The following AK5 variants were observed in gnomAD, a reference collection of about 807,000 sequenced individuals.
AK5 encodes the protein adenylate kinase 5.
In AK5, 27 loss-of-function variants were observed where a neutral mutation model predicts 69.5. The observed-to-expected ratio is 0.39, with a 90% confidence interval of 0.29 to 0.54. The LOEUF (loss-of-function observed/expected upper bound fraction) is 0.54. Among genes scored for constraint, AK5 ranks in the 20% least tolerant of loss-of-function variants. AK5 has a pLI of 0.71. For synonymous variants in AK5, 260 were observed against 244.4 expected (o/e 1.06, Z -0.60); for missense variants, 531 against 700.4 (o/e 0.76, Z 2.73).
chr1:77,463,260 C>T (rs1653946906), intron 8 of AK5, among the ~76,000 whole-genome samples: 1 of 152,182 alleles, frequency 6.6e-6, no homozygotes, highest in Non-Finnish European at 1.5e-5. Context: ...GGGATCAGAG[C>T]ACAGCACAGT....
At chr1:77,318,209 G>A (rs989607072) in intron 5 of AK5, among the ~76,000 whole-genome samples, 7 of 152,082 alleles carry the variant, frequency 4.6e-5, no homozygotes, top group East Asian at 1.9e-4. Context: ...CAATCATGGC[G>A]GAATCTTAAA....
chr1:77,389,335 G>T (rs367832916), intron 6 of AK5, among the ~76,000 whole-genome samples: 1 of 152,186 alleles, frequency 6.6e-6, no homozygotes, highest in Non-Finnish European at 1.5e-5. Flanking sequence ...TGTCCCAAAC[G>T]CCAGGAAAGA....
At chr1:77,490,809 T>A (rs557829168) in intron 10 of AK5, among the ~76,000 whole-genome samples, 1 of 151,564 alleles carries the variant, frequency 6.6e-6, no homozygotes, top group Non-Finnish European at 1.5e-5. Context: ...AATCTCTTGA[T>A]CATTATTTTG....
rs542300876 is a variant in AK5 at position 77,428,850 on chromosome 1, G to A, written c.1059+11135G>A. Among the ~76,000 whole-genome samples, 163 of 152,086 alleles carry A rather than the reference G, an allele frequency of 1.1e-3. 1 individual carries two copies. The highest frequency in any genetic ancestry group is 3.6e-3 in the African/African-American group (150 of 41,466). On this transcript the variant is annotated intron_variant, in intron 8 of 13. Transcript: ENST00000354567. ...TTCCCACCTATGAGTGAGAACATGC[G>A]GTGTTTGGTTTTTTGTCCTTGCGAT...
chr1:77,403,394 TGC>T (rs559269441), intron 6 of AK5, among the ~76,000 whole-genome samples: 12,772 of 152,134 alleles, frequency 0.084, 700 homozygotes, highest in South Asian at 0.17. Flanking sequence ...TGAATCGTAT[TGC>T]CTAGGTTTTC....
At chr1:77,422,638 G>A (rs886477692) in intron 8 of AK5, among the ~76,000 whole-genome samples, 1 of 151,938 alleles carries the variant, frequency 6.6e-6, no homozygotes, top group African/African-American at 2.4e-5. Context: ...TCCCCTCTAG[G>A]AAACCCTTCT....
Position 77,522,536 on chromosome 1 carries a change from G to A in AK5, c.1428+593G>A, listed in dbSNP as rs550540552. Among the ~76,000 whole-genome samples the A allele has an allele frequency of 2.6e-5, 4 of 152,228 alleles. No homozygotes were observed. In the East Asian group the frequency reaches 7.7e-4, roughly 29 times the overall value. On this transcript the variant is annotated intron_variant, in intron 12 of 13. Transcript: ENST00000354567. The stretch of plus-strand genomic sequence containing the variant: ...GGGCTGCCCTTACAAGAAGACGGGG[G>A]AATGGGTGCTGGACAGGCAGAATCA...
chr1:77,337,582 G>A (rs1409805633), intron 5 of AK5, among the ~76,000 whole-genome samples: 1 of 152,032 alleles, frequency 6.6e-6, no homozygotes, highest in African/African-American at 2.4e-5. Context: ...TGTTAACTAT[G>A]AATTTTATAA....
intron 11 of AK5, among the ~76,000 whole-genome samples, chr1:77,519,382 A>G (rs896001891): frequency 6.6e-6 from 1 of 152,134 alleles, no homozygotes; most frequent in African/African-American, 2.4e-5. Context: ...TCATGAAAGG[A>G]AAACAGACCA....
chr1:77,511,291 T>C (rs1295534646), intron 10 of AK5, among the ~76,000 whole-genome samples: 2 of 152,084 alleles, frequency 1.3e-5, no homozygotes, highest in Non-Finnish European at 2.9e-5. Context: ...GAGAAATAAA[T>C]TTCATCTGGA....
At chr1:77,422,305 A>C (rs904064834) in intron 8 of AK5, among the ~76,000 whole-genome samples, 1 of 152,042 alleles carries the variant, frequency 6.6e-6, no homozygotes, top group Non-Finnish European at 1.5e-5. Context: ...TCACCCATCA[A>C]ATTATCTTCC....
intron 13 of AK5, among the ~76,000 whole-genome samples, chr1:77,542,627 T>C (rs751220372): frequency 2.6e-5 from 4 of 152,206 alleles, no homozygotes; most frequent in Non-Finnish European, 5.9e-5. Context: ...ATTTAAAGCC[T>C]CTTTTTTTCC....
chr1:77,494,785 CT>C (rs879881037), intron 10 of AK5, among the ~76,000 whole-genome samples: 2,096 of 143,846 alleles, frequency 0.015, 40 homozygotes, highest in African/African-American at 0.043. Flanking sequence ...TATGCAGTAT[CT>C]TTTTTTTTTT....
intron 10 of AK5, among the ~76,000 whole-genome samples, chr1:77,504,439 A>AT (rs1301524152): frequency 3.9e-4 from 28 of 72,348 alleles, no homozygotes; most frequent in Admixed American, 9.0e-4. Flanking sequence ...GTGTATATAT[A>AT]TATTTTTTTT....
At chr1:77,376,809 G>A (rs1011349585) in intron 6 of AK5, among the ~76,000 whole-genome samples, 1 of 152,068 alleles carries the variant, frequency 6.6e-6, no homozygotes, top group Non-Finnish European at 1.5e-5. Flanking sequence ...GATCATCATG[G>A]CTCCTTGGGA....
chr1:77,523,236 A>G lies in AK5; in HGVS notation c.1428+1293A>G, dbSNP rs114866949. ...AACCAGAGTCAAAGAAAACATGTCTAGGTCTAGTTGGCATGGGTGGACCCT... is the reference window on the plus strand; with the variant it reads ...AACCAGAGTCAAAGAAAACATGTCTGGGTCTAGTTGGCATGGGTGGACCCT... On this transcript the variant is annotated intron_variant, in intron 12 of 13. Coordinates refer to ENST00000354567, the MANE Select transcript of AK5 (RefSeq NM_174858.3). Among the ~76,000 whole-genome samples the G allele has an allele frequency of 1.2e-3, 176 of 152,310 alleles. 1 individual carries two copies. Among genetic ancestry groups the G allele is most frequent in the African/African-American group, 4.1e-3 (169 of 41,570 alleles).
chr1:77,470,437 G>A (rs1232246897), intron 8 of AK5, among the ~76,000 whole-genome samples: 1 of 152,126 alleles, frequency 6.6e-6, no homozygotes, highest in Non-Finnish European at 1.5e-5. Flanking sequence ...CCTGGGAGGC[G>A]GAGGTTGCAG....
chr1:77,525,464 A>T (rs1466190119), intron 12 of AK5, among the ~76,000 whole-genome samples: 1 of 152,232 alleles, frequency 6.6e-6, no homozygotes, highest in Non-Finnish European at 1.5e-5. Context: ...GTGAGGCCTC[A>T]GGAAGCTTCC....
intron 6 of AK5, among the ~76,000 whole-genome samples, chr1:77,367,123 T>G (rs1315381391): frequency 6.6e-6 from 1 of 152,042 alleles, no homozygotes; most frequent in Non-Finnish European, 1.5e-5. Context: ...AGTTCATTAT[T>G]TAATAGTTAT....
Sources: gnomAD v4.1 joint callset for allele counts (sites outside exome capture counted in the v4.1 genomes callset) on GRCh38, gnomAD v4.1.1 for gene constraint, MANE v1.5 for transcripts, NCBI Gene and HGNC (gene_info 2026-07-23, HGNC 2026-07-21) for gene names.